INSL6: variants seen among roughly 807,000 people sequenced by gnomAD.
INSL6 encodes the protein insulin-like peptide INSL6.
Under a neutral mutation model 9.4 loss-of-function variants are expected in INSL6, and 16 were observed. That is an observed-to-expected ratio of 1.70 (90% CI 1.15 to 2.59). The LOEUF (loss-of-function observed/expected upper bound fraction) is 2.59. Among genes scored for constraint, INSL6 ranks in the 30% most tolerant of loss-of-function variants. The pLI is 0.00. For synonymous variants in INSL6, 154 were observed against 96.9 expected (o/e 1.59, Z -3.46); for missense variants, 391 against 257.3 (o/e 1.52, Z -3.56).
chr9:5,040,016 A>G, the INSL6 span, among the ~76,000 whole-genome samples: 3 of 152,232 alleles, frequency 2.0e-5, no homozygotes, highest in Non-Finnish European at 4.4e-5. Flanking sequence ...CAATCTTGAA[A>G]CAATACAAAG....
intron 1 of INSL6, among the ~76,000 whole-genome samples, chr9:5,173,947 G>A (rs1375088627): frequency 3.3e-5 from 5 of 152,086 alleles, no homozygotes; most frequent in African/African-American, 4.8e-5. Context: ...AACTTGCATC[G>A]ACTCCCTTTG....
At chr9:5,183,610 C>A (rs1825504893) in intron 1 of INSL6, among the ~76,000 whole-genome samples, 1 of 152,068 alleles carries the variant, frequency 6.6e-6, no homozygotes, top group African/African-American at 2.4e-5. Context: ...AAATAACAGC[C>A]TCAAGCTTGG....
chr9:5,090,653 G>C, the INSL6 span: 23 of 1,512,204 alleles, frequency 1.5e-5, no homozygotes, highest in East Asian at 4.6e-4. Flanking sequence ...CGTTTTCATA[G>C]ATAATAAAGG....
At chr9:5,050,564 C>A in the INSL6 span, 1 of 997,250 alleles carries the variant, frequency 1.0e-6, no homozygotes, top group Non-Finnish European at 1.5e-6. Flanking sequence ...AGCCACTGAG[C>A]CTGGCCAATT....
chr9:5,084,654 C>T, the INSL6 span, among the ~76,000 whole-genome samples: 1 of 151,826 alleles, frequency 6.6e-6, no homozygotes, highest in African/African-American at 2.4e-5. Context: ...TTCCTTTATC[C>T]TCATGCCCAC....
chr9:5,090,934 A>C, the INSL6 span: 2 of 1,494,312 alleles, frequency 1.3e-6, no homozygotes, highest in Non-Finnish European at 1.8e-6. Flanking sequence ...CAGTATGATA[A>C]ATGAAATTTT....
At chr9:5,086,155 G>A in the INSL6 span, 1 of 359,994 alleles carries the variant, frequency 2.8e-6, no homozygotes, top group South Asian at 4.5e-5. Context: ...AAGGCTCGGG[G>A]AGCGGTCTCC....
the INSL6 span, among the ~76,000 whole-genome samples, chr9:5,106,319 G>T: frequency 1.3e-5 from 2 of 152,204 alleles, no homozygotes; most frequent in African/African-American, 4.8e-5. Flanking sequence ...CTGGTCATCA[G>T]AGAAATGGAA....
the INSL6 span, among the ~76,000 whole-genome samples, chr9:5,095,666 C>G: frequency 6.6e-6 from 1 of 152,096 alleles, no homozygotes; most frequent in Admixed American, 6.5e-5. Context: ...ATTTTCCCAT[C>G]AATAAACACG....
the INSL6 span, among the ~76,000 whole-genome samples, chr9:5,067,896 G>T: frequency 1.3e-5 from 2 of 152,148 alleles, no homozygotes; most frequent in Non-Finnish European, 2.9e-5. Context: ...GCTCACACCT[G>T]TAATACCAGC....
At chr9:5,175,185 C>T (rs1056527277) in intron 1 of INSL6, among the ~76,000 whole-genome samples, 1 of 152,152 alleles carries the variant, frequency 6.6e-6, no homozygotes, top group African/African-American at 2.4e-5. Context: ...CATGATCCAC[C>T]TGCCTCGGCC....
the INSL6 span, among the ~76,000 whole-genome samples, chr9:5,031,545 A>C: frequency 6.6e-6 from 1 of 152,192 alleles, no homozygotes. Context: ...CTTACTTTAT[A>C]ATGTATATCA....
the INSL6 span, among the ~76,000 whole-genome samples, chr9:5,032,877 C>T: frequency 9.9e-5 from 15 of 152,264 alleles, no homozygotes; most frequent in South Asian, 2.1e-4. Flanking sequence ...TTACCAGCAA[C>T]GGAACAAAGC....
chr9:5,182,159 C>T (rs10974993), intron 1 of INSL6, among the ~76,000 whole-genome samples: 57,566 of 151,794 alleles, frequency 0.38, 12,365 homozygotes, highest in African/African-American at 0.6. Flanking sequence ...TTCAAGGCTA[C>T]ATAGGTTAGG....
chr9:4,995,224 G>T, the INSL6 span, among the ~76,000 whole-genome samples: 1 of 152,080 alleles, frequency 6.6e-6, no homozygotes, highest in Non-Finnish European at 1.5e-5. Flanking sequence ...TTGGATTTGT[G>T]GTCCTTTTAC....
intron 1 of INSL6, among the ~76,000 whole-genome samples, chr9:5,170,036 C>G (rs1272564402): frequency 1.3e-5 from 2 of 152,162 alleles, no homozygotes; most frequent in Non-Finnish European, 2.9e-5. Flanking sequence ...ATCTACAGAA[C>G]TCTCCAACCC....
chr9:5,096,934 CT>C, the INSL6 span: 1 of 152,250 alleles, frequency 6.6e-6, no homozygotes, highest in African/African-American at 2.4e-5. Flanking sequence ...ATTGCTGCCC[CT>C]GATATGGCAT....
chr9:5,119,949 TAA>T (rs1033176463), downstream of INSL6, among the ~76,000 whole-genome samples: 5 of 152,218 alleles, frequency 3.3e-5, no homozygotes, highest in African/African-American at 9.6e-5. Flanking sequence ...ATTGATAAAA[TAA>T]GTTTGAGCTA....
the INSL6 span, chr9:5,091,266 TTACTTGGGTGGTA>T: frequency 6.1e-6 from 1 of 164,780 alleles, no homozygotes; most frequent in Non-Finnish European, 1.3e-5. Flanking sequence ...TCTTTTTTAT[TTACTTGGGTGGTA>T]TAATGGTTAT....
Sources: gnomAD v4.1 joint callset for allele counts (sites outside exome capture counted in the v4.1 genomes callset) on GRCh38, gnomAD v4.1.1 for gene constraint, MANE v1.5 for transcripts, NCBI Gene and HGNC (gene_info 2026-07-23, HGNC 2026-07-21) for gene names.